DCC: variants seen among roughly 807,000 people sequenced by gnomAD.
DCC encodes the protein netrin receptor DCC.
A neutral mutation model predicts 172.5 loss-of-function variants in DCC; 58 were observed. The observed-to-expected ratio is 0.34, with a 90% CI of 0.27 to 0.42. The LOEUF (loss-of-function observed/expected upper bound fraction) is 0.42. DCC is among the 10% of genes least tolerant of loss of function. The pLI is 1.00. For missense variants in DCC, 1,740 were observed against 1,791.0 expected (o/e 0.97, Z 0.51); for synonymous variants, 709 against 644.5 (o/e 1.10, Z -1.52).
At chr18:52,909,973 A>C (rs775354656) in intron 3 of DCC, among the ~76,000 whole-genome samples, 1 of 152,166 alleles carries the variant, frequency 6.6e-6, no homozygotes, top group Non-Finnish European at 1.5e-5. Context: ...AAGAAAATAG[A>C]GATCAAAAGC....
intron 2 of DCC, 90 bp downstream of exon 2, chr18:52,752,464 AATG>A: frequency 1.0e-6 from 1 of 985,932 alleles, no homozygotes; most frequent in Non-Finnish European, 1.6e-6. Context: ...TTGTAGAAAT[AATG>A]TACATTTTAA....
chr18:52,937,760 C>T (rs2145515621), intron 5 of DCC, among the ~76,000 whole-genome samples: 1 of 152,198 alleles, frequency 6.6e-6, no homozygotes, highest in South Asian at 2.1e-4. Context: ...GGATTACAGG[C>T]ATGAGTTACC....
Position 53,114,619 on chromosome 18 carries a change from C to G in DCC, c.1262-42737C>G, listed in dbSNP as rs995600651. 4.0e-5 allele frequency among the ~76,000 whole-genome samples: 6 copies of G among 151,308 alleles called. No individual in the cohort carries two copies. In the South Asian group the frequency reaches 1.2e-3, roughly 31 times the overall value. On this transcript the variant is annotated intron_variant, in intron 7 of 28. Coordinates refer to ENST00000442544, the MANE Select transcript of DCC (RefSeq NM_005215.4). ...TGTACATACCAAGCCCATGAGCCCACAAAAAGGAACAGAAAAATATATTCT... is the reference window on the plus strand; with the variant it reads ...TGTACATACCAAGCCCATGAGCCCAGAAAAAGGAACAGAAAAATATATTCT...
At chr18:52,610,273 G>T (rs192205014) in intron 1 of DCC, among the ~76,000 whole-genome samples, 1,374 of 120,914 alleles carry the variant, frequency 0.011, 26 homozygotes, top group Non-Finnish European at 0.018. Context: ...CCAGCTACTT[G>T]GGAGGCTAAG....
chr18:53,104,365 A>G (rs1339221565), intron 7 of DCC, among the ~76,000 whole-genome samples: 3 of 151,964 alleles, frequency 2.0e-5, no homozygotes, highest in Admixed American at 2.0e-4. Context: ...GAGAGTGAAT[A>G]AGTCTCACAA....
chr18:53,427,654 C>G (rs1031477481), intron 21 of DCC, among the ~76,000 whole-genome samples: 1 of 150,738 alleles, frequency 6.6e-6, no homozygotes, highest in Admixed American at 6.8e-5. Flanking sequence ...AACTACTTTC[C>G]TGTTAACAAA....
At chr18:52,615,953 G>T (rs1403669922) in intron 1 of DCC, among the ~76,000 whole-genome samples, 1 of 151,990 alleles carries the variant, frequency 6.6e-6, no homozygotes, top group South Asian at 2.1e-4. Flanking sequence ...AATGCATAAA[G>T]GTGAGATTTT....
chr18:53,517,781 G>A (rs1173190808), intron 27 of DCC, among the ~76,000 whole-genome samples: 1 of 152,014 alleles, frequency 6.6e-6, no homozygotes, highest in Non-Finnish European at 1.5e-5. Context: ...CCCCAGAAGT[G>A]GCATTTAGAG....
At chr18:52,984,071 A>C (rs2041253454) in intron 5 of DCC, among the ~76,000 whole-genome samples, 1 of 152,116 alleles carries the variant, frequency 6.6e-6, no homozygotes, top group African/African-American at 2.4e-5. Flanking sequence ...TTGGTTGTCA[A>C]AGTGTGTATG....
At chr18:52,768,959 G>A (rs2037297431) in intron 2 of DCC, among the ~76,000 whole-genome samples, 1 of 152,182 alleles carries the variant, frequency 6.6e-6, no homozygotes, top group South Asian at 2.1e-4. Context: ...TGAGGACTGA[G>A]TAACTACCAT....
chr18:52,775,314 G>GCC (rs1206230353), intron 2 of DCC, among the ~76,000 whole-genome samples: 1 of 152,158 alleles, frequency 6.6e-6, no homozygotes, highest in Non-Finnish European at 1.5e-5. Flanking sequence ...AGCTCCTGAA[G>GCC]CCCCAGTGGG....
intron 8 of DCC, among the ~76,000 whole-genome samples, chr18:53,163,191 G>A (rs1050072021): frequency 6.6e-6 from 1 of 152,176 alleles, no homozygotes; most frequent in Non-Finnish European, 1.5e-5. Flanking sequence ...CCAGTATCAT[G>A]CCTCATGTAA....
chr18:52,459,299 G>A lies in DCC; in HGVS notation c.91+118421G>A, dbSNP rs190657344. 2.1e-3 allele frequency among the ~76,000 whole-genome samples: 319 copies of A among 152,034 alleles called. 2 individuals carry two copies. Among genetic ancestry groups the A allele is most frequent in the African/African-American group, 6.9e-3 (285 of 41,458 alleles). On this transcript the variant is annotated intron_variant, in intron 1 of 28. Transcript: ENST00000442544. ...TTGTACAGATTATTTTGTCACCCAG[G>A]TACTAAGTCTAGTACCCAACAGTTA... is the stretch of plus-strand genomic sequence containing the variant.
intron 2 of DCC, among the ~76,000 whole-genome samples, chr18:52,877,094 A>G (rs1259416349): frequency 2.0e-5 from 3 of 152,230 alleles, no homozygotes; most frequent in African/African-American, 7.2e-5. Flanking sequence ...TGTATTTTAT[A>G]CTGTAATCGT....
rs549701356 is a variant in DCC, at chr18:52,759,617, A to T, written c.412+7243A>T. On this transcript the variant is annotated intron_variant, in intron 2 of 28. Coordinates refer to ENST00000442544, the MANE Select transcript of DCC (RefSeq NM_005215.4). ...CTAACACAACTCAGTAATAGTAACC[A>T]AAAACTCTTTTGAATTTTAGAAAAC... Among the ~76,000 whole-genome samples the T allele has an allele frequency of 2.0e-5, 3 of 152,348 alleles. No homozygotes were observed. In the East Asian group the frequency reaches 5.8e-4, roughly 29 times the overall value.
Position 53,459,243 on chromosome 18 carries a change from C to T in DCC, c.3404C>T (p.Thr1135Ile), listed in dbSNP as rs751325930. Residue 1135 changes from threonine (T) to isoleucine (I), a missense_variant, in exon 24 of 29, where the codon ACC (threonine) becomes ATC (isoleucine). Physicochemically the swap from Thr to Ile is moderately conservative, Grantham distance 89. This residue lies in a region of DCC where 1,732 missense variants were observed against 1,767.4 expected (regional missense o/e 0.98). Transcript: ENST00000442544. ...ACTTTGTTCCATAGGAAACGGGCCACCCACAGTGCTGGCAAAAGGAAGGGC... is the reference window on the plus strand; with the variant it reads ...ACTTTGTTCCATAGGAAACGGGCCATCCACAGTGCTGGCAAAAGGAAGGGC... ...SSAQQRKKRA[T>I]HSAGKRKGSQ... 7 of 1,613,696 alleles carry T rather than the reference C, an allele frequency of 4.3e-6. No individual in the cohort carries two copies. The Admixed American group carries it at 5.0e-5, about 12-fold the overall frequency.
At chr18:53,512,011 C>T (rs901585284) in intron 27 of DCC, among the ~76,000 whole-genome samples, 3 of 152,158 alleles carry the variant, frequency 2.0e-5, no homozygotes, top group African/African-American at 7.2e-5. Context: ...CCTCTGGGGG[C>T]AGGGCACAGA....
chr18:52,431,707 A>G (rs184582212), intron 1 of DCC, among the ~76,000 whole-genome samples: 39 of 152,308 alleles, frequency 2.6e-4, no homozygotes. Context: ...CAGCCTGGCC[A>G]TGCATCCTAA....
chr18:53,495,540 G>T (rs1313499429), intron 26 of DCC, among the ~76,000 whole-genome samples: 1 of 152,122 alleles, frequency 6.6e-6, no homozygotes, highest in Non-Finnish European at 1.5e-5. Context: ...CTCTCTGGCT[G>T]CCCTTAACAT....
Sources: allele counts gnomAD v4.1 joint callset (sites outside exome capture counted in the v4.1 genomes callset), GRCh38; gene constraint gnomAD v4.1.1; regional missense constraint gnomAD v4.1.1; transcripts MANE v1.5; gene names NCBI Gene and HGNC (gene_info 2026-07-23, HGNC 2026-07-21).